POR: variants seen among roughly 807,000 people sequenced by gnomAD.
The protein encoded by POR is cytochrome p450 oxidoreductase, also known as NADPH--cytochrome P450 reductase.
POR carries 56 observed loss-of-function variants against 84.0 expected under a neutral mutation model. The observed-to-expected ratio is 0.67, with a 90% CI of 0.54 to 0.83. The LOEUF (loss-of-function observed/expected upper bound fraction) is 0.83, where lower values mean the gene tolerates loss of function less well. Ranked by LOEUF, POR falls within the 40% of genes least tolerant of loss-of-function variation. POR has a pLI of 0.00. For missense variants in POR, 938 were observed against 944.3 expected (o/e 0.99, Z 0.09); for synonymous variants, 414 against 400.5 (o/e 1.03, Z -0.40).
Position 75,982,249 on chromosome 7 carries a change from C to G in POR, c.757C>G (p.His253Asp). The G allele has an allele frequency of 6.2e-7, 1 of 1,612,414 alleles. No homozygotes were observed. Among genetic ancestry groups the G allele is most frequent in the Non-Finnish European group, 8.5e-7 (1 of 1,179,386 alleles). The change falls in exon 8 of 16, where the codon CAC becomes GAC. Residue 253 changes from histidine to aspartate, a missense_variant. His to Asp is a moderately conservative substitution (Grantham distance 81). Coordinates refer to ENST00000461988, the MANE Select transcript of POR (RefSeq NM_000941.3). ...CATTCGCCAGTACGAGCTTGTGGTC[C>G]ACACCGACATAGATGCGGCCAAGGT...
At chr7:75,953,705 C>T (rs1787553130) in intron 1 of POR, among the ~76,000 whole-genome samples, 1 of 152,206 alleles carries the variant, frequency 6.6e-6, no homozygotes, top group African/African-American at 2.4e-5. Flanking sequence ...GTCATTTTCT[C>T]TGTCTTCCAG....
chr7:75,921,265 CTTTTTTTTTTT>C (rs55776717), intron 1 of POR: 1 of 113,012 alleles, frequency 8.8e-6, no homozygotes, highest in Non-Finnish European at 1.9e-5. Flanking sequence ...AGTTTTTAGT[CTTTTTTTTTTT>C]TTTTTTTTGA....
intron 1 of POR, among the ~76,000 whole-genome samples, chr7:75,926,030 C>CTTTT (rs869058308): frequency 4.4e-5 from 5 of 114,848 alleles, no homozygotes; most frequent in Non-Finnish European, 6.7e-5. Flanking sequence ...TTTTCTCTCT[C>CTTTT]TTTTTTTTTT....
chr7:75,964,466 C>G (rs1239911765), intron 2 of POR, among the ~76,000 whole-genome samples: 1 of 152,090 alleles, frequency 6.6e-6, no homozygotes, highest in Non-Finnish European at 1.5e-5. Flanking sequence ...TGCCACCACA[C>G]CCGGCTAATT....
chr7:75,971,486 G>A (rs1387259667), intron 2 of POR, among the ~76,000 whole-genome samples: 3 of 151,952 alleles, frequency 2.0e-5, no homozygotes, highest in African/African-American at 7.3e-5. Flanking sequence ...GGAAACAGAA[G>A]AACGGAAAAT....
intron 1 of POR, among the ~76,000 whole-genome samples, chr7:75,919,170 A>G (rs1350526775): frequency 6.6e-6 from 1 of 151,948 alleles, no homozygotes; most frequent in Non-Finnish European, 1.5e-5. Flanking sequence ...GGCTCAGGAC[A>G]GTGTTTTCTT....
At chr7:75,917,248 T>C (rs2116167834) in intron 1 of POR, among the ~76,000 whole-genome samples, 1 of 152,082 alleles carries the variant, frequency 6.6e-6, no homozygotes, top group South Asian at 2.1e-4. Context: ...TTTAAATGTT[T>C]TTTAGAGATT....
intron 1 of POR, among the ~76,000 whole-genome samples, chr7:75,949,140 G>T (rs1395456442): frequency 1.4e-5 from 2 of 146,608 alleles, no homozygotes; most frequent in Admixed American, 1.3e-4. Flanking sequence ...TCAGGGCTTT[G>T]TTGTTGTTGT....
intron 3 of POR, 59 bp from the exon 4 acceptor site, chr7:75,979,392 T>A: frequency 6.3e-7 from 1 of 1,586,450 alleles, no homozygotes; most frequent in South Asian, 1.1e-5. Context: ...CAGTGGGTGT[T>A]CACCGGAGCC....
chr7:75,953,395 G>A (rs943263677), intron 1 of POR, among the ~76,000 whole-genome samples: 1 of 151,576 alleles, frequency 6.6e-6, no homozygotes, highest in Admixed American at 6.6e-5. Flanking sequence ...TAGGAAAGCA[G>A]GCATTCACCA....
chr7:75,970,102 C>A (rs41296533), intron 2 of POR, among the ~76,000 whole-genome samples: 4 of 152,016 alleles, frequency 2.6e-5, no homozygotes, highest in Admixed American at 2.6e-4. Flanking sequence ...TAGCGTAGCC[C>A]AGAGAGGTGG....
chr7:75,985,788 C>A lies in POR; in HGVS notation c.1608C>A (p.Pro536=). The change falls in exon 13 of 16, where the codon CCC becomes CCA. Residue 536 remains proline, a synonymous_variant. Coordinates refer to ENST00000461988, the MANE Select transcript of POR (RefSeq NM_000941.3). ...CCACGCCTGTCATCATGGTGGGCCC[C>A]GGCACCGGGGTGGCACCCTTCATAG... The A allele has an allele frequency of 6.4e-7, 1 of 1,570,202 alleles. No homozygotes were observed. The highest frequency in any genetic ancestry group is 2.4e-5 in the East Asian group (1 of 42,444).
intron 1 of POR, among the ~76,000 whole-genome samples, chr7:75,919,382 C>CGTGTGTGTGTGT (rs56136603): frequency 0.02 from 2,883 of 146,508 alleles, 106 homozygotes; most frequent in African/African-American, 0.068. Flanking sequence ...TCTGTGCGTG[C>CGTGTGTGTGTGT]GTGTGTGTGT....
intron 1 of POR, among the ~76,000 whole-genome samples, chr7:75,934,636 T>C (rs1211441338): frequency 6.6e-6 from 1 of 152,002 alleles, no homozygotes; most frequent in East Asian, 1.9e-4. Flanking sequence ...CCCATTACAG[T>C]TGTGGAGGCC....
rs1789239088 is a variant in POR at position 75,983,918 on chromosome 7, A to C, written c.1066+62A>C. 7 of 1,344,754 alleles carry C rather than the reference A, an allele frequency of 5.2e-6. No individual in the cohort carries two copies. The South Asian group carries it at 9.6e-5, about 18-fold the overall frequency. 83.3% of individuals were successfully genotyped at this position (1,344,754 alleles called of 1,614,324 possible). On this transcript the variant is annotated intron_variant, in intron 10 of 15. Coordinates refer to ENST00000461988, the MANE Select transcript of POR (RefSeq NM_000941.3). The stretch of plus-strand genomic sequence containing the variant: ...GCAGCCGCGGGATTGGGCCTGTAGG[A>C]AGGCCCTGGGTTGAGCTTCTGCTTA...
Position 75,985,644 on chromosome 7 carries a change from C to T in POR, c.1464C>T (p.Ile488=), listed in dbSNP as rs782628376. The T allele has an allele frequency of 6.3e-7, 1 of 1,594,778 alleles. No individual in the cohort carries two copies. Among genetic ancestry groups the T allele is most frequent in the East Asian group, 2.3e-5 (1 of 44,092 alleles). ...AGTACGAGACCAAGGCTGGCCGCAT[C>T]AACAAGGGCGTGGCCACCAACTGGC... Residue 488 remains isoleucine, a synonymous_variant, in exon 13 of 16, where the codon ATC becomes ATT. Transcript: ENST00000461988.
intron 2 of POR, among the ~76,000 whole-genome samples, chr7:75,964,348 C>A (rs1256142197): frequency 6.6e-6 from 1 of 152,092 alleles, no homozygotes; most frequent in East Asian, 1.9e-4. Flanking sequence ...GCTCCTGTCC[C>A]CCAGGCTGAA....
intron 12 of POR, 95 bp from the exon 13 acceptor site, chr7:75,985,484 T>G (rs1789381406): frequency 1.4e-6 from 2 of 1,396,268 alleles, no homozygotes; most frequent in East Asian, 2.5e-5. Context: ...GAAGAGGCCC[T>G]GGGTGAGTGG....
In POR at chr7:75,980,614, C is replaced by T. The variant is rs782696791; in HGVS notation, c.516+126C>T. On this transcript the variant is annotated intron_variant, in intron 5 of 15. Transcript: ENST00000461988. ...CCTGTCCTCAGCAGCCAGGGCAGGC[C>T]ACTTGTGAGACCCTCTCCTCTGCCC... The T allele has an allele frequency of 1.6e-5, 26 of 1,594,732 alleles. 1 individual carries two copies. In the Admixed American group the frequency reaches 1.7e-4, roughly 11 times the overall value.
Sources: allele counts gnomAD v4.1 joint callset (sites outside exome capture counted in the v4.1 genomes callset), GRCh38; gene constraint gnomAD v4.1.1; transcripts MANE v1.5; gene names NCBI Gene and HGNC (gene_info 2026-07-23, HGNC 2026-07-21).